MAF: variants seen among roughly 807,000 people sequenced by gnomAD.
The protein encoded by MAF is MAF bZIP transcription factor, also known as transcription factor Maf.
A neutral mutation model predicts 22.0 loss-of-function variants in MAF; 10 were observed. The ratio of observed to expected loss-of-function variants is 0.45; its 90% CI spans 0.28 to 0.77. MAF has a LOEUF of 0.77. MAF is among the 30% of genes least tolerant of loss of function. MAF has a pLI of 0.12. For synonymous variants in MAF, 337 were observed against 255.8 expected (o/e 1.32, Z -3.03); for missense variants, 544 against 548.4 (o/e 0.99, Z 0.08).
At chr16:79,218,238 T>G in the MAF span, among the ~76,000 whole-genome samples, 1 of 137,678 alleles carries the variant, frequency 7.3e-6, no homozygotes, top group South Asian at 2.8e-4. Context: ...TTTTTTCCCT[T>G]CCCCCCTCAA....
the MAF span, among the ~76,000 whole-genome samples, chr16:79,215,894 CG>C: frequency 6.6e-6 from 1 of 152,112 alleles, no homozygotes; most frequent in African/African-American, 2.4e-5. Flanking sequence ...ACTGAGGCCC[CG>C]TAACAGTAGC....
the MAF span, among the ~76,000 whole-genome samples, chr16:79,425,205 T>C: frequency 1.3e-5 from 2 of 152,234 alleles, no homozygotes; most frequent in East Asian, 1.9e-4. Context: ...TCTCTTCTCA[T>C]GGTACATTCC....
At chr16:79,462,759 C>G in the MAF span, among the ~76,000 whole-genome samples, 22 of 152,328 alleles carry the variant, frequency 1.4e-4, no homozygotes, top group African/African-American at 5.1e-4. Flanking sequence ...TATACCTACA[C>G]ATACATATTG....
chr16:79,558,541 G>A, the MAF span, among the ~76,000 whole-genome samples: 2 of 152,170 alleles, frequency 1.3e-5, no homozygotes, highest in Admixed American at 6.5e-5. Flanking sequence ...AGAGAGAAGG[G>A]AAGATTGGCA....
the MAF span, among the ~76,000 whole-genome samples, chr16:79,395,261 G>A: frequency 1.3e-5 from 2 of 152,150 alleles, no homozygotes; most frequent in African/African-American, 4.8e-5. Flanking sequence ...TATTCTGAGG[G>A]CAACAGAAAG....
At chr16:79,224,169 A>G in the MAF span, among the ~76,000 whole-genome samples, 1 of 152,316 alleles carries the variant, frequency 6.6e-6, no homozygotes, top group East Asian at 1.9e-4. Context: ...ACCACGATCG[A>G]GTCAGTTTTA....
At chr16:79,395,150 G>A in the MAF span, among the ~76,000 whole-genome samples, 6 of 152,190 alleles carry the variant, frequency 3.9e-5, no homozygotes, top group African/African-American at 1.4e-4. Context: ...AGGCCAAAGC[G>A]GTGGGCACTG....
chr16:79,569,304 A>T, the MAF span, among the ~76,000 whole-genome samples: 1 of 152,124 alleles, frequency 6.6e-6, no homozygotes, highest in Non-Finnish European at 1.5e-5. Flanking sequence ...GGCAACCAAA[A>T]ATGCCTTCAG....
At chr16:79,582,340 C>T (rs1283272339), downstream of MAF, among the ~76,000 whole-genome samples, 12 of 152,194 alleles carry the variant, frequency 7.9e-5, no homozygotes. Context: ...GAAAGCTCTA[C>T]AGAAGCATCA....
chr16:79,222,848 G>A, the MAF span, among the ~76,000 whole-genome samples: 13 of 152,088 alleles, frequency 8.5e-5, no homozygotes, highest in African/African-American at 1.7e-4. Context: ...ACCCAATACC[G>A]GAGCACCCAA....
chr16:79,243,344 G>A, the MAF span, among the ~76,000 whole-genome samples: 3,221 of 151,732 alleles, frequency 0.021, 60 homozygotes, highest in Middle Eastern at 0.071. Context: ...AAAAAAGAGA[G>A]AAGATTCAAA....
chr16:79,331,571 G>A, the MAF span, among the ~76,000 whole-genome samples: 4 of 152,066 alleles, frequency 2.6e-5, no homozygotes, highest in African/African-American at 9.7e-5. Context: ...CGAGCCACCC[G>A]CATCTCTGGC....
chr16:79,587,401 T>TA (rs969449228), intron 1 of MAF, among the ~76,000 whole-genome samples: 36 of 150,746 alleles, frequency 2.4e-4, no homozygotes, highest in South Asian at 1.3e-3. Flanking sequence ...CTAATCTCTT[T>TA]AAAAAAAAAC....
At chr16:79,319,734 T>C in the MAF span, among the ~76,000 whole-genome samples, 1 of 152,266 alleles carries the variant, frequency 6.6e-6, no homozygotes, top group Admixed American at 6.5e-5. Flanking sequence ...AAGGACCATT[T>C]GTGGGCATAG....
the MAF span, among the ~76,000 whole-genome samples, chr16:79,380,441 C>A: frequency 1.1e-4 from 16 of 152,242 alleles, no homozygotes; most frequent in East Asian, 3.1e-3. Context: ...TCAATTTTTC[C>A]AATACAGTGT....
chr16:79,254,876 C>T, the MAF span, among the ~76,000 whole-genome samples: 7 of 152,170 alleles, frequency 4.6e-5, no homozygotes, highest in Non-Finnish European at 1.0e-4. Context: ...TTTCTGAGTT[C>T]GTCAACTTGT....
the MAF span, among the ~76,000 whole-genome samples, chr16:79,317,678 G>A: frequency 6.6e-6 from 1 of 152,118 alleles, no homozygotes; most frequent in African/African-American, 2.4e-5. Context: ...AACAGCCTAG[G>A]GTGGAGGCAG....
the MAF span, among the ~76,000 whole-genome samples, chr16:79,384,962 A>G: frequency 3.2e-4 from 48 of 152,272 alleles, no homozygotes; most frequent in East Asian, 7.5e-3. Context: ...CTGAGGCCAT[A>G]TTTGAACAAT....
chr16:79,242,108 T>C, the MAF span, among the ~76,000 whole-genome samples: 2 of 151,954 alleles, frequency 1.3e-5, no homozygotes, highest in African/African-American at 2.4e-5. Context: ...GTAAAGACCA[T>C]TAACACTATG....
Sources: gnomAD v4.1 joint callset for allele counts (sites outside exome capture counted in the v4.1 genomes callset) on GRCh38, gnomAD v4.1.1 for gene constraint, MANE v1.5 for transcripts, NCBI Gene and HGNC (gene_info 2026-07-23, HGNC 2026-07-21) for gene names.